Variants in CTNNA3 observed in about 807,000 individuals in gnomAD.
CTNNA3 encodes the protein catenin alpha-3.
CTNNA3 carries 76 observed loss-of-function variants against 95.7 expected under a neutral mutation model. The observed-to-expected ratio is 0.79, with a 90% CI of 0.66 to 0.96. CTNNA3 has a LOEUF of 0.96. Among genes scored for constraint, CTNNA3 ranks in the 40% least tolerant of loss-of-function variants. The pLI, the probability that CTNNA3 is intolerant of heterozygous loss-of-function variation, is 0.00. For synonymous variants in CTNNA3, 431 were observed against 374.4 expected (o/e 1.15, Z -1.74); for missense variants, 1,191 against 1,089.8 (o/e 1.09, Z -1.31).
chr10:66,055,555 C>T (rs764596464), intron 15 of CTNNA3, among the ~76,000 whole-genome samples: 33 of 151,974 alleles, frequency 2.2e-4, no homozygotes, highest in Non-Finnish European at 3.8e-4. Flanking sequence ...GGTTTTTATA[C>T]ATTAATTTTG....
chr10:66,013,346 T>A (rs2079038997), intron 15 of CTNNA3, among the ~76,000 whole-genome samples: 1 of 152,210 alleles, frequency 6.6e-6, no homozygotes, highest in Non-Finnish European at 1.5e-5. Flanking sequence ...ATGCCTTTTG[T>A]CAAAAACTAT....
rs769674937 is a variant in CTNNA3 at position 66,379,274 on chromosome 10, G to A, written c.1610C>T (p.Ala537Val). 50 of 1,613,950 alleles carry A rather than the reference G, an allele frequency of 3.1e-5. No homozygotes were observed. Among genetic ancestry groups the A allele is most frequent in the East Asian group, 4.5e-5 (2 of 44,878 alleles). ...DQDADNLDRA[A>V]GAIRGRAARV... is the part of the protein sequence containing the mutation. ...TGCTGCCCGGCCTCTGATAGCACCCGCAGCACGGTCTAAATTATCAGCATC... is the reference window on the plus strand; with the variant it reads ...TGCTGCCCGGCCTCTGATAGCACCCACAGCACGGTCTAAATTATCAGCATC... The change falls in exon 12 of 18, where the codon GCG (alanine) becomes GTG (valine). Residue 537 changes from alanine (A) to valine (V), a missense_variant. Transcript: ENST00000433211.
chr10:67,635,047 A>G (rs1009415919), intron 2 of CTNNA3, among the ~76,000 whole-genome samples: 5 of 152,130 alleles, frequency 3.3e-5, no homozygotes, highest in Non-Finnish European at 5.9e-5. Flanking sequence ...AATCACCTCT[A>G]TGCACATAAA....
At chr10:66,495,503 A>G (rs992363286) in intron 11 of CTNNA3, among the ~76,000 whole-genome samples, 2 of 152,210 alleles carry the variant, frequency 1.3e-5, no homozygotes, top group Non-Finnish European at 2.9e-5. Context: ...TACAAAGATC[A>G]ATGTAGTAAT....
At chr10:66,755,717 T>C (rs1362519726) in intron 9 of CTNNA3, among the ~76,000 whole-genome samples, 1 of 152,146 alleles carries the variant, frequency 6.6e-6, no homozygotes, top group Non-Finnish European at 1.5e-5. Context: ...AAATCTATAC[T>C]CATTCCTCAG....
intron 12 of CTNNA3, among the ~76,000 whole-genome samples, chr10:66,355,973 C>T (rs896883473): frequency 6.6e-6 from 1 of 151,984 alleles, no homozygotes; most frequent in Non-Finnish European, 1.5e-5. Context: ...GCATTTCCAT[C>T]AAGAATTGTT....
chr10:65,985,692 A>C (rs1436941722), intron 16 of CTNNA3, among the ~76,000 whole-genome samples: 7 of 151,514 alleles, frequency 4.6e-5, no homozygotes, highest in Non-Finnish European at 1.0e-4. Flanking sequence ...AACAATTGAC[A>C]GACTTTCCTG....
chr10:67,387,550 A>G (rs946131877), intron 5 of CTNNA3, among the ~76,000 whole-genome samples: 21 of 152,316 alleles, frequency 1.4e-4, no homozygotes, highest in Non-Finnish European at 1.2e-4. Flanking sequence ...AACTGGGTGG[A>G]GCCCACCACA....
intron 1 of CTNNA3, among the ~76,000 whole-genome samples, chr10:67,719,444 T>G (rs781038736): frequency 3.3e-5 from 5 of 152,220 alleles, no homozygotes; most frequent in Admixed American, 2.0e-4. Flanking sequence ...TTTAGTGCTA[T>G]AAATTTCCCT....
chr10:67,418,313 C>T (rs776238974), intron 5 of CTNNA3, among the ~76,000 whole-genome samples: 1 of 151,920 alleles, frequency 6.6e-6, no homozygotes, highest in Non-Finnish European at 1.5e-5. Context: ...TTCTCAAAAT[C>T]GTAAAAATAG....
At chr10:67,615,657 C>CTTTTTTTTTTT in intron 2 of CTNNA3, among the ~76,000 whole-genome samples, 1 of 102,142 alleles carries the variant, frequency 9.8e-6, no homozygotes, top group East Asian at 3.2e-4. Flanking sequence ...GGCAGGTATT[C>CTTTTTTTTTTT]TTTTTTTTTT....
At chr10:66,637,072 T>C (rs976684842) in intron 9 of CTNNA3, among the ~76,000 whole-genome samples, 4 of 152,170 alleles carry the variant, frequency 2.6e-5, no homozygotes, top group African/African-American at 7.2e-5. Context: ...AAGACTGTCA[T>C]ATAAAAATGT....
At chr10:66,621,461 TA>T (rs1262391092) in intron 10 of CTNNA3, among the ~76,000 whole-genome samples, 13 of 151,454 alleles carry the variant, frequency 8.6e-5, no homozygotes, top group African/African-American at 2.9e-4. Flanking sequence ...CCATCTCTAT[TA>T]AAAATACAGA....
At chr10:66,402,693 A>G (rs1200481693) in intron 11 of CTNNA3, among the ~76,000 whole-genome samples, 6 of 152,172 alleles carry the variant, frequency 3.9e-5, no homozygotes, top group African/African-American at 1.4e-4. Context: ...GAAAATAAGG[A>G]ACTTGTTAAA....
intron 7 of CTNNA3, among the ~76,000 whole-genome samples, chr10:66,863,234 A>G (rs9414943): frequency 0.13 from 19,058 of 151,564 alleles, 1,605 homozygotes; most frequent in East Asian, 0.28. Context: ...TATATATAAT[A>G]CAATATATAA....
chr10:66,895,054 C>CAAAAA (rs537843933), intron 7 of CTNNA3, among the ~76,000 whole-genome samples: 8,051 of 115,002 alleles, frequency 0.07, 248 homozygotes, highest in African/African-American at 0.12. Context: ...AACAAATAAA[C>CAAAAA]AAAAAAAAAA....
intron 10 of CTNNA3, among the ~76,000 whole-genome samples, chr10:66,591,582 ACTTACCCCT>A (rs1803349537): frequency 6.6e-6 from 1 of 152,090 alleles, no homozygotes; most frequent in African/African-American, 2.4e-5. Flanking sequence ...TTGACCTGAA[ACTTACCCCT>A]CTTTTACCTC....
intron 10 of CTNNA3, among the ~76,000 whole-genome samples, chr10:66,616,978 T>C (rs1564570620): frequency 6.6e-6 from 1 of 152,036 alleles, no homozygotes; most frequent in Non-Finnish European, 1.5e-5. Flanking sequence ...GAATATAGAA[T>C]GATTTATCAT....
rs575757853 is a variant in CTNNA3 at position 66,301,919 on chromosome 10, T to G, written c.1733-21298A>C. ...AAAATCTCTTTGTAGATGACACGAT[T>G]GTCTATATAGAAAATAGCAAAGAAT... is the stretch of plus-strand genomic sequence containing the variant. On this transcript the variant is annotated intron_variant, in intron 12 of 17. Transcript: ENST00000433211. Among the ~76,000 whole-genome samples, 283 of 152,174 alleles carry G rather than the reference T, an allele frequency of 1.9e-3. 2 individuals are homozygous for G. The highest frequency in any genetic ancestry group is 6.7e-3 in the African/African-American group (277 of 41,570).
Sources: allele counts gnomAD v4.1 joint callset (sites outside exome capture counted in the v4.1 genomes callset), GRCh38; gene constraint gnomAD v4.1.1; transcripts MANE v1.5; gene names NCBI Gene and HGNC (gene_info 2026-07-23, HGNC 2026-07-21).